The following TRPS1 variants were observed in gnomAD, a reference collection of about 807,000 sequenced individuals.
TRPS1 encodes the protein zinc finger transcription factor Trps1.
In TRPS1, 6 loss-of-function variants were observed where a neutral mutation model predicts 101.2. The ratio of observed to expected loss-of-function variants is 0.06; its 90% confidence interval spans 0.03 to 0.12. TRPS1 has a LOEUF of 0.12. Among genes scored for constraint, TRPS1 ranks in the 10% least tolerant of loss-of-function variants. The pLI, the probability that TRPS1 is intolerant of heterozygous loss-of-function variation, is 1.00. For synonymous variants in TRPS1, 578 were observed against 589.8 expected (o/e 0.98, Z 0.29); for missense variants, 1,363 against 1,567.0 (o/e 0.87, Z 2.20).
chr8:115,532,568 C>G (rs1228200583), intron 5 of TRPS1, among the ~76,000 whole-genome samples: 3 of 152,124 alleles, frequency 2.0e-5, no homozygotes, highest in African/African-American at 7.2e-5. Flanking sequence ...CAGAGCTACT[C>G]CCTAATAGTA....
In TRPS1 at chr8:115,453,271, G is replaced by A. The variant is rs535674784; in HGVS notation, c.2701-34819C>T. Among the ~76,000 whole-genome samples the A allele has an allele frequency of 3.3e-5, 5 of 152,106 alleles. No homozygotes were observed. In the South Asian group the frequency reaches 8.3e-4, roughly 25 times the overall value. On this transcript the variant is annotated intron_variant, in intron 5 of 6. Coordinates refer to ENST00000395715, the MANE Select transcript of TRPS1 (RefSeq NM_014112.5). ...TCTGACCTTGTGATCTGCCCTCCTC[G>A]GCCTCCCAAAGTGCTGGGATTACAG... is the stretch of plus-strand genomic sequence containing the variant.
At chr8:115,650,726 C>T (rs1424865326) in intron 1 of TRPS1, among the ~76,000 whole-genome samples, 1 of 152,126 alleles carries the variant, frequency 6.6e-6, no homozygotes, top group Non-Finnish European at 1.5e-5. Flanking sequence ...AACGTCTCAG[C>T]AGCTATTATT....
At chr8:115,542,426 C>T (rs1159237275) in intron 5 of TRPS1, among the ~76,000 whole-genome samples, 1 of 151,486 alleles carries the variant, frequency 6.6e-6, no homozygotes, top group Non-Finnish European at 1.5e-5. Flanking sequence ...ATCTTTAAAG[C>T]TATTATACTA....
intron 5 of TRPS1, among the ~76,000 whole-genome samples, chr8:115,569,659 TTC>T (rs1241698232): frequency 6.6e-6 from 1 of 152,152 alleles, no homozygotes; most frequent in Non-Finnish European, 1.5e-5. Context: ...ATGCCTTTGC[TTC>T]TCTGACTTGG....
At chr8:115,548,565 A>G (rs1418834239) in intron 5 of TRPS1, among the ~76,000 whole-genome samples, 1 of 152,130 alleles carries the variant, frequency 6.6e-6, no homozygotes, top group Non-Finnish European at 1.5e-5. Context: ...AATTACAGGC[A>G]TGAGCCACTG....
intron 5 of TRPS1, among the ~76,000 whole-genome samples, chr8:115,572,901 G>C (rs1413495263): frequency 6.6e-6 from 1 of 152,090 alleles, no homozygotes; most frequent in Non-Finnish European, 1.5e-5. Flanking sequence ...GGGAGGCCGA[G>C]GTGGGTGGAT....
chr8:115,619,052 T>A, intron 3 of TRPS1, 80 bp downstream of exon 3: 9 of 1,515,648 alleles, frequency 5.9e-6, no homozygotes, highest in Non-Finnish European at 8.1e-6. Flanking sequence ...ACTGGGACCT[T>A]GGTTTTAACA....
intron 1 of TRPS1, chr8:115,667,956 C>T (rs1270806878): frequency 6.6e-7 from 1 of 1,520,674 alleles, no homozygotes; most frequent in East Asian, 2.5e-5. Flanking sequence ...GGCGGCGGCC[C>T]CTCGGGTCCA....
chr8:115,529,297 C>T (rs1816074679), intron 5 of TRPS1, among the ~76,000 whole-genome samples: 1 of 151,934 alleles, frequency 6.6e-6, no homozygotes, highest in Non-Finnish European at 1.5e-5. Context: ...AAGTGTAGAC[C>T]TTCAAAAACT....
intron 5 of TRPS1, among the ~76,000 whole-genome samples, chr8:115,564,803 A>G (rs942698806): frequency 8.5e-5 from 13 of 152,064 alleles, no homozygotes; most frequent in Non-Finnish European, 1.2e-4. Flanking sequence ...AGTTGCTTAC[A>G]TAGTTGTGTT....
intron 3 of TRPS1, 106 bp from the exon 4 acceptor site, chr8:115,605,108 C>A (rs1317349636): frequency 2.0e-6 from 2 of 984,870 alleles, no homozygotes; most frequent in Non-Finnish European, 1.6e-6. Context: ...TCAAAAAATA[C>A]AATAGTACTC....
At chr8:115,584,794 CTAAGA>C (rs1817528731) in intron 5 of TRPS1, among the ~76,000 whole-genome samples, 1 of 151,988 alleles carries the variant, frequency 6.6e-6, no homozygotes, top group Non-Finnish European at 1.5e-5. Flanking sequence ...AGCTCATCAT[CTAAGA>C]TATGTACACA....
At chr8:115,494,020 T>C (rs149762345) in intron 5 of TRPS1, among the ~76,000 whole-genome samples, 316 of 152,310 alleles carry the variant, frequency 2.1e-3, no homozygotes, top group Middle Eastern at 3.4e-3. Flanking sequence ...ATCATTTCAT[T>C]AACAAAACTT....
At chr8:115,492,322 TAGAG>T in intron 5 of TRPS1, 1 of 450,098 alleles carries the variant, frequency 2.2e-6, no homozygotes, top group Non-Finnish European at 4.5e-6. Context: ...AGGAGTTAAT[TAGAG>T]AGGCAGATAA....
At chr8:115,596,567 T>C (rs1351418353) in intron 4 of TRPS1, among the ~76,000 whole-genome samples, 1 of 151,866 alleles carries the variant, frequency 6.6e-6, no homozygotes, top group Non-Finnish European at 1.5e-5. Flanking sequence ...AGAGATTCTA[T>C]ATGGATAGAT....
chr8:115,473,286 C>G (rs2170741), intron 5 of TRPS1, among the ~76,000 whole-genome samples: 85,770 of 152,044 alleles, frequency 0.56, 24,705 homozygotes, highest in East Asian at 0.84. Flanking sequence ...GTTCTTCTTC[C>G]CATGATGGCG....
At chr8:115,478,918 T>C (rs1362728962) in intron 5 of TRPS1, among the ~76,000 whole-genome samples, 2 of 148,876 alleles carry the variant, frequency 1.3e-5, no homozygotes, top group African/African-American at 2.4e-5. Context: ...AATGTATATA[T>C]GTATATATGT....
chr8:115,487,318 G>C (rs28835029), intron 5 of TRPS1, among the ~76,000 whole-genome samples: 38,588 of 151,974 alleles, frequency 0.25, 5,749 homozygotes, highest in Middle Eastern at 0.43. Context: ...GGTTACCCCA[G>C]AGCTCTGATG....
At chr8:115,460,613 AATCATAAAAGCAGTCACTGACATG>A (rs140438688) in intron 5 of TRPS1, among the ~76,000 whole-genome samples, 2,055 of 152,248 alleles carry the variant, frequency 0.013, 46 homozygotes, top group African/African-American at 0.047. Flanking sequence ...TCTGAAGTGA[AATCATAAAAGCAGTCACTGACATG>A]ATCTAGAAAC....
Sources: allele counts gnomAD v4.1 joint callset (sites outside exome capture counted in the v4.1 genomes callset), GRCh38; gene constraint gnomAD v4.1.1; transcripts MANE v1.5; gene names NCBI Gene and HGNC (gene_info 2026-07-23, HGNC 2026-07-21).